SOX5: variants seen among roughly 807,000 people sequenced by gnomAD.
SOX5 encodes transcription factor SOX-5.
Under a neutral mutation model 92.0 loss-of-function variants are expected in SOX5, and 9 were observed. The observed-to-expected ratio is 0.10, with a 90% CI of 0.06 to 0.17. SOX5 has a LOEUF of 0.17. Among genes scored for constraint, SOX5 ranks in the 10% least tolerant of loss-of-function variants. The probability of loss-of-function intolerance (pLI) is 1.00; values close to 1 mark genes in which losing one functional copy is unlikely to be tolerated. For missense variants in SOX5, 642 were observed against 944.5 expected (o/e 0.68, Z 4.20); for synonymous variants, 344 against 336.3 (o/e 1.02, Z -0.25).
chr12:23,744,800 C>CCACA (rs2093925456), intron 4 of SOX5, among the ~76,000 whole-genome samples: 1 of 152,062 alleles, frequency 6.6e-6, no homozygotes, highest in African/African-American at 2.4e-5. Context: ...TAACAAAGTA[C>CCACA]CACAGACTGG....
intron 1 of SOX5, among the ~76,000 whole-genome samples, chr12:24,370,198 T>C (rs1228291886): frequency 6.6e-6 from 1 of 152,134 alleles, no homozygotes; most frequent in Non-Finnish European, 1.5e-5. Context: ...TTTTTGGCCG[T>C]GCGCGGTGGC....
chr12:23,663,204 T>C (rs11047033), intron 7 of SOX5, among the ~76,000 whole-genome samples: 44,672 of 152,064 alleles, frequency 0.29, 6,854 homozygotes, highest in African/African-American at 0.38. Flanking sequence ...TAGAGTTTGG[T>C]GTGATGCCAG....
intron 4 of SOX5, among the ~76,000 whole-genome samples, chr12:24,110,020 G>A (rs1427978308): frequency 1.3e-5 from 2 of 152,052 alleles, no homozygotes; most frequent in Non-Finnish European, 2.9e-5. Context: ...GAATTTTGGA[G>A]GACACATTCA....
intron 6 of SOX5, among the ~76,000 whole-genome samples, chr12:23,727,441 T>C (rs2093193792): frequency 6.6e-6 from 1 of 151,990 alleles, no homozygotes; most frequent in Non-Finnish European, 1.5e-5. Context: ...GAGCAATTTA[T>C]GGAAATAATA....
At chr12:23,676,228 A>G (rs954867915) in intron 6 of SOX5, among the ~76,000 whole-genome samples, 9 of 151,850 alleles carry the variant, frequency 5.9e-5, no homozygotes, top group Admixed American at 3.3e-4. Flanking sequence ...CTCTTAATAC[A>G]AAAAAAAGTA....
intron 3 of SOX5, among the ~76,000 whole-genome samples, chr12:23,789,283 C>T (rs543228685): frequency 4.6e-5 from 7 of 151,550 alleles, no homozygotes; most frequent in African/African-American, 9.7e-5. Context: ...GCCATCTTGC[C>T]GTGTGCTTAA....
chr12:24,256,766 A>AAC (rs979805151), intron 3 of SOX5, among the ~76,000 whole-genome samples: 1 of 152,130 alleles, frequency 6.6e-6, no homozygotes, highest in Non-Finnish European at 1.5e-5. Context: ...TCTCACTTTA[A>AAC]ACACACACAC....
intron 3 of SOX5, among the ~76,000 whole-genome samples, chr12:23,819,212 G>C (rs968550084): frequency 6.6e-6 from 1 of 152,174 alleles, no homozygotes; most frequent in Non-Finnish European, 1.5e-5. Flanking sequence ...AACATGTTGT[G>C]TTACAACCCT....
At chr12:23,840,790 A>G (rs2096503838) in intron 3 of SOX5, among the ~76,000 whole-genome samples, 1 of 152,284 alleles carries the variant, frequency 6.6e-6, no homozygotes, top group East Asian at 1.9e-4. Flanking sequence ...CAAAACAAAA[A>G]CAAATTGAAT....
chr12:24,368,281 A>T (rs1190364613), intron 2 of SOX5: 2 of 152,188 alleles, frequency 1.3e-5, no homozygotes, highest in East Asian at 3.8e-4. Context: ...AAATACACAC[A>T]AGTGTAGGAA....
At chr12:24,102,825 C>T (rs911227081) in intron 4 of SOX5, among the ~76,000 whole-genome samples, 1 of 152,142 alleles carries the variant, frequency 6.6e-6, no homozygotes, top group Non-Finnish European at 1.5e-5. Context: ...TTCATCTGTG[C>T]ATTTTGTTTT....
intron 4 of SOX5, among the ~76,000 whole-genome samples, chr12:24,189,160 G>A (rs1956286599): frequency 6.6e-6 from 1 of 152,114 alleles, no homozygotes; most frequent in Non-Finnish European, 1.5e-5. Context: ...TGTGACGGCT[G>A]TTAGAACTTG....
At chr12:24,064,732 G>C (rs1351671246) in intron 4 of SOX5, among the ~76,000 whole-genome samples, 3 of 152,136 alleles carry the variant, frequency 2.0e-5, no homozygotes, top group African/African-American at 4.8e-5. Context: ...GTCCTGTCAT[G>C]CAGCAGAAGC....
intron 9 of SOX5, among the ~76,000 whole-genome samples, chr12:23,601,783 A>G (rs1356202634): frequency 1.3e-5 from 2 of 152,160 alleles, no homozygotes; most frequent in African/African-American, 2.4e-5. Context: ...GTTCTTCATT[A>G]AAATGACAAC....
chr12:24,071,066 C>T (rs749262761), intron 4 of SOX5, among the ~76,000 whole-genome samples: 8 of 152,160 alleles, frequency 5.3e-5, no homozygotes, highest in East Asian at 1.9e-4. Context: ...AGAAGACTGG[C>T]GTTTCTGTCC....
chr12:23,628,616 A>G (rs9300160), intron 8 of SOX5, among the ~76,000 whole-genome samples: 89,744 of 151,628 alleles, frequency 0.59, 26,895 homozygotes, highest in African/African-American at 0.68. Context: ...CACTTTCTTC[A>G]TTCAAGGAGC....
At chr12:24,524,005 G>C (rs531148897) in intron 1 of SOX5, among the ~76,000 whole-genome samples, 18 of 152,312 alleles carry the variant, frequency 1.2e-4, no homozygotes, top group Non-Finnish European at 2.5e-4. Context: ...TTAATTTTAG[G>C]TGTCAACTTG....
chr12:24,392,648 C>T lies in SOX5; in HGVS notation c.-250-24009G>A, dbSNP rs569056423. 2.0e-5 allele frequency among the ~76,000 whole-genome samples: 3 copies of T among 152,234 alleles called. No individual in the cohort carries two copies. The East Asian group carries it at 5.8e-4, about 29-fold the overall frequency. On this transcript the variant is annotated intron_variant, in intron 1 of 4. Transcript: ENST00000446891. ...CTTTCATCTGATTAATCGCTATCTT[C>T]ACCTATTATATATTTATTTATTTCC...
intron 1 of SOX5, among the ~76,000 whole-genome samples, chr12:24,479,917 C>T (rs12826612): frequency 0.096 from 14,550 of 152,218 alleles, 764 homozygotes; most frequent in South Asian, 0.16. Flanking sequence ...CCACCCACCT[C>T]AGCCTCCCAA....
Sources: allele counts gnomAD v4.1 joint callset (sites outside exome capture counted in the v4.1 genomes callset), GRCh38; gene constraint gnomAD v4.1.1; transcripts MANE v1.5; gene names NCBI Gene and HGNC (gene_info 2026-07-23, HGNC 2026-07-21).